Variants in KLHL7 observed in about 807,000 individuals in gnomAD.
KLHL7 encodes the protein kelch like family member 7.
Under a neutral mutation model 67.4 loss-of-function variants are expected in KLHL7, and 44 were observed. That is an observed-to-expected ratio of 0.65 (90% CI 0.51 to 0.84). The LOEUF is 0.84. Among genes scored for constraint, KLHL7 ranks in the 40% least tolerant of loss-of-function variants. KLHL7 has a pLI of 0.00. For missense variants in KLHL7, 362 were observed against 718.1 expected (o/e 0.50, Z 5.67); for synonymous variants, 252 against 243.3 (o/e 1.04, Z -0.33).
rs1488665099 is a variant in KLHL7, at chr7:23,174,984, C to G, written c.*686C>G. The G allele has an allele frequency of 4.4e-6, 2 of 449,552 alleles. No homozygotes were observed. The highest frequency in any genetic ancestry group is 1.4e-4 in the East Asian group (2 of 14,358). The allele number at this position is 449,552 out of a possible 1,614,324, so 27.8% of individuals were successfully genotyped here. A position where few individuals can be genotyped will look rare whatever the true frequency, so the allele number is the denominator to read the frequency against. ...CTTAGCACCCATCATTAATTTATGT[C>G]TCTGTTTTATCCAGTGGTTAAAAAA... is the stretch of plus-strand genomic sequence containing the variant. On this transcript the variant is annotated 3_prime_UTR_variant, in exon 11 of 11. Coordinates refer to ENST00000339077, the MANE Select transcript of KLHL7 (RefSeq NM_001031710.3).
chr7:23,124,792 T>C lies in KLHL7; in HGVS notation c.317+11T>C, dbSNP rs2128460357. The C allele has an allele frequency of 6.6e-7, 1 of 1,504,512 alleles. No homozygotes were observed. The allele number at this position is 1,504,512 out of a possible 1,614,324, so 93.2% of individuals were successfully genotyped here. ...TGCTTATACTGCTAGGTGAGTTAAG[T>C]ATTATTTTTATTTTAGAGAAGTAAT... On this transcript the variant is annotated intron_variant, in intron 3 of 10. Transcript: ENST00000339077.
chr7:23,151,915 C>A, intron 6 of KLHL7, 152 bp from the exon 7 acceptor site: 1 of 727,660 alleles, frequency 1.4e-6, no homozygotes, highest in Non-Finnish European at 2.4e-6. Context: ...TGCATTTCTC[C>A]TGCCTCTTCC....
chr7:23,133,902 T>A (rs890369295), intron 4 of KLHL7, among the ~76,000 whole-genome samples: 4 of 152,236 alleles, frequency 2.6e-5, no homozygotes, highest in Non-Finnish European at 5.9e-5. Flanking sequence ...CAAACAAGGA[T>A]AATTTTATTT....
intron 7 of KLHL7, among the ~76,000 whole-genome samples, chr7:23,152,803 C>T (rs925206658): frequency 6.6e-6 from 1 of 152,130 alleles, no homozygotes; most frequent in African/African-American, 2.4e-5. Context: ...TTAAGACGGT[C>T]CACTCACATT....
In KLHL7 at chr7:23,175,147, C is replaced by A. The variant is rs760436857; in HGVS notation, c.*849C>A. The A allele has an allele frequency of 2.2e-6, 1 of 453,956 alleles. No individual in the cohort carries two copies. Among genetic ancestry groups the A allele is most frequent in the Non-Finnish European group, 4.4e-6 (1 of 226,770 alleles). 28.1% of individuals were successfully genotyped at this position (453,956 alleles called of 1,614,324 possible). On this transcript the variant is annotated 3_prime_UTR_variant, in exon 11 of 11. Transcript: ENST00000339077. ...GGTAGTTGTACAATATCAGTGTTGA[C>A]TTTGAACTTCTTTAACGAGATCATG...
Position 23,165,865 on chromosome 7 carries a change from T to G in KLHL7, c.1104T>G (p.Pro368=). 2 of 1,614,200 alleles carry G rather than the reference T, an allele frequency of 1.2e-6. No individual in the cohort carries two copies. The highest frequency in any genetic ancestry group is 1.7e-6 in the Non-Finnish European group (2 of 1,180,008). Reference sequence around the variant, plus strand: ...ATAGCTGGTATTCGAAACTGGGTCCTCCGACACCTCGAGACAGCCTTGCTG... The same window carrying G: ...ATAGCTGGTATTCGAAACTGGGTCCGCCGACACCTCGAGACAGCCTTGCTG... The part of the protein sequence containing the change: ...VKDSWYSKLG[P]PTPRDSLAAC... The change falls in exon 8 of 11, where the codon CCT becomes CCG. Residue 368 remains proline (P), a synonymous_variant. Transcript: ENST00000339077.
intron 7 of KLHL7, among the ~76,000 whole-genome samples, chr7:23,162,832 G>C (rs1342130317): frequency 1.3e-5 from 2 of 152,122 alleles, no homozygotes. Context: ...CTTAAACTCA[G>C]GTTGGATTGA....
At chr7:23,152,717 C>T (rs1290208398) in intron 7 of KLHL7, among the ~76,000 whole-genome samples, 10 of 151,964 alleles carry the variant, frequency 6.6e-5, no homozygotes, top group Admixed American at 3.3e-4. Flanking sequence ...CATATCATGC[C>T]GACCAACTGG....
intron 6 of KLHL7, among the ~76,000 whole-genome samples, chr7:23,144,249 T>C (rs191478090): frequency 2.0e-5 from 3 of 152,256 alleles, no homozygotes; most frequent in Non-Finnish European, 4.4e-5. Context: ...AAATTACTTA[T>C]GCTTTTCCTA....
intron 7 of KLHL7, among the ~76,000 whole-genome samples, chr7:23,159,778 C>G (rs1784808966): frequency 6.6e-6 from 1 of 152,182 alleles, no homozygotes; most frequent in Non-Finnish European, 1.5e-5. Flanking sequence ...AATCTGCCTG[C>G]CTCAACCTCC....
intron 1 of KLHL7, among the ~76,000 whole-genome samples, chr7:23,107,576 G>A (rs1012823979): frequency 5.3e-5 from 8 of 152,300 alleles, no homozygotes; most frequent in Non-Finnish European, 1.2e-4. Context: ...ATCTGAGACT[G>A]TCCGTTTAGC....
At chr7:23,168,985 G>T (rs1320545209) in intron 9 of KLHL7, among the ~76,000 whole-genome samples, 1 of 152,120 alleles carries the variant, frequency 6.6e-6, no homozygotes, top group Admixed American at 6.5e-5. Context: ...AAGATGCCAG[G>T]CATGGTGGCT....
At chr7:23,123,704 C>T (rs1783444833) in intron 1 of KLHL7, 73 bp from the exon 2 acceptor site, 1 of 931,142 alleles carries the variant, frequency 1.1e-6, no homozygotes, top group Admixed American at 1.9e-5. Context: ...ATTTGGCAAG[C>T]ACCTTTTTAA....
intron 6 of KLHL7, 30 bp downstream of exon 6, chr7:23,144,055 T>A (rs570249611): frequency 2.5e-6 from 4 of 1,579,180 alleles, no homozygotes; most frequent in Non-Finnish European, 3.5e-6. Context: ...ATTTATAACC[T>A]GATCATGTAG....
intron 1 of KLHL7, among the ~76,000 whole-genome samples, chr7:23,112,983 G>A (rs1782934500): frequency 6.6e-6 from 1 of 152,140 alleles, no homozygotes; most frequent in African/African-American, 2.4e-5. Flanking sequence ...TTCCTGATAT[G>A]AGATCCAAAG....
At chr7:23,147,235 G>A (rs113462396) in intron 6 of KLHL7, among the ~76,000 whole-genome samples, 1,947 of 151,804 alleles carry the variant, frequency 0.013, 47 homozygotes, top group African/African-American at 0.044. Context: ...GATTATGGGC[G>A]TGCGCCACCA....
chr7:23,115,035 A>G (rs1783028915), intron 1 of KLHL7, among the ~76,000 whole-genome samples: 1 of 152,232 alleles, frequency 6.6e-6, no homozygotes, highest in South Asian at 2.1e-4. Context: ...TGTTCAGTTT[A>G]GTCAGCCAGA....
intron 9 of KLHL7, chr7:23,172,133 G>A (rs2128470337): frequency 4.4e-6 from 2 of 456,270 alleles, no homozygotes; most frequent in Non-Finnish European, 8.8e-6. Flanking sequence ...GTTAGCTGCT[G>A]AAAGCACAAG....
chr7:23,116,115 A>G (rs905651176), intron 1 of KLHL7, among the ~76,000 whole-genome samples: 2 of 152,200 alleles, frequency 1.3e-5, no homozygotes, highest in Admixed American at 6.5e-5. Context: ...GTGGCCTTGC[A>G]TTCCTTACAA....
Sources: gnomAD v4.1 joint callset for allele counts (sites outside exome capture counted in the v4.1 genomes callset) on GRCh38, gnomAD v4.1.1 for gene constraint, MANE v1.5 for transcripts, NCBI Gene and HGNC (gene_info 2026-07-23, HGNC 2026-07-21) for gene names.